MFSD1: variants seen among roughly 807,000 people sequenced by gnomAD.
MFSD1 encodes major facilitator superfamily domain containing 1, also known as lysosomal dipeptide transporter MFSD1.
A neutral mutation model predicts 67.1 loss-of-function variants in MFSD1; 59 were observed. The observed-to-expected ratio is 0.88, with a 90% CI of 0.71 to 1.09. MFSD1 has a LOEUF of 1.09. Among genes scored for constraint, MFSD1 ranks in the 50% least tolerant of loss-of-function variants. The pLI is 0.00. For missense variants in MFSD1, 552 were observed against 566.1 expected, an observed-to-expected ratio of 0.97 and a Z score of 0.25; for synonymous variants, 213 against 200.3, an observed-to-expected ratio of 1.06 and a Z score of -0.54.
intron 8 of MFSD1, 39 bp from the exon 9 acceptor site, chr3:158,820,176 C>A: frequency 2.5e-6 from 3 of 1,185,692 alleles, no homozygotes; most frequent in Non-Finnish European, 3.8e-6. Flanking sequence ...CTTAGGTATG[C>A]AAAATTATGC....
At chr3:158,812,500 CT>C (rs1730079886) in intron 6 of MFSD1, among the ~76,000 whole-genome samples, 1 of 152,278 alleles carries the variant, frequency 6.6e-6, no homozygotes, top group African/African-American at 2.4e-5. Flanking sequence ...TAAGAAGCCC[CT>C]GAGATTCCCT....
In MFSD1 at chr3:158,807,300, T is replaced by G. The variant is rs536336497; in HGVS notation, c.373-96T>G. The G allele has an allele frequency of 2.9e-6, 3 of 1,052,360 alleles. No homozygotes were observed. In the African/African-American group the frequency reaches 4.8e-5, roughly 17 times the overall value. The allele number at this position is 1,052,360 out of a possible 1,614,324, so 65.2% of individuals were successfully genotyped here. A position where few individuals can be genotyped will look rare whatever the true frequency, so the allele number is the denominator to read the frequency against. On this transcript the variant is annotated intron_variant, in intron 4 of 15. Transcript: ENST00000415822. ...ATTTATTAAGGAGAAATATTAAAACTATTGTAGAAGTTGAGATTTATCATG... is the reference window on the plus strand; with the variant it reads ...ATTTATTAAGGAGAAATATTAAAACGATTGTAGAAGTTGAGATTTATCATG...
chr3:158,820,331 G>A lies in MFSD1; in HGVS notation c.863+5G>A. ...CCCTTTTATTGGACTTGGGAAGTGA[G>A]TATTCTCTATGTTTCCATTATTTCT... On this transcript the variant is annotated splice_donor_5th_base_variant and intron_variant, in intron 9 of 15. Coordinates refer to ENST00000415822, the MANE Select transcript of MFSD1 (RefSeq NM_022736.4). 6.4e-7 allele frequency: 1 copy of A among 1,551,182 alleles called. No homozygotes were observed. The highest frequency in any genetic ancestry group is 1.4e-5 in the African/African-American group (1 of 73,880).
Position 158,802,224 on chromosome 3 carries a change from G to A in MFSD1, c.72G>A (p.Pro24=), listed in dbSNP as rs1729486238. The part of the protein sequence containing the change: ...GGPDEADRGA[P]AAPGALPALC... ...CTGACGAGGCCGACAGAGGTGCCCC[G>A]GCCGCCCCTGGAGCCCTGCCGGCCC... Residue 24 remains proline (P), a synonymous_variant, in exon 1 of 16, where the codon CCG becomes CCA. Coordinates refer to ENST00000415822, the MANE Select transcript of MFSD1 (RefSeq NM_022736.4). The A allele has an allele frequency of 3.7e-6, 6 of 1,610,636 alleles. No individual in the cohort carries two copies. The highest frequency in any genetic ancestry group is 5.1e-6 in the Non-Finnish European group (6 of 1,178,964).
At position 158,829,664 on chromosome 3, in the gene MFSD1, C is replaced by T. The variant is rs1234792046; in HGVS notation, c.*682C>T. The stretch of plus-strand genomic sequence containing the variant: ...AGTCTAATAAGTAAAAAGTGTCCTT[C>T]AAATTATGATAATTGCCTATGTACA... On this transcript the variant is annotated 3_prime_UTR_variant, in exon 16 of 16. Coordinates refer to ENST00000415822, the MANE Select transcript of MFSD1 (RefSeq NM_022736.4). 6.6e-6 allele frequency: 1 copy of T among 152,232 alleles called. No individual in the cohort carries two copies. The highest frequency in any genetic ancestry group is 6.5e-5 in the Admixed American group (1 of 15,286). The allele number at this position is 152,232 out of a possible 1,614,324, so 9.4% of individuals were successfully genotyped here.
At position 158,826,067 on chromosome 3, in the gene MFSD1, G is replaced by C. The variant is rs768715359; in HGVS notation, c.1336+5G>C. On this transcript the variant is annotated splice_donor_5th_base_variant and intron_variant, in intron 14 of 15. Coordinates refer to ENST00000415822, the MANE Select transcript of MFSD1 (RefSeq NM_022736.4). ...ATTTGGTGAATCGTGCCCAGGGTAA[G>C]TAGAAGATCTGATATTTGCTTCTTA... 6.2e-7 allele frequency: 1 copy of C among 1,612,966 alleles called. No individual in the cohort carries two copies. Among genetic ancestry groups the C allele is most frequent in the Non-Finnish European group, 8.5e-7 (1 of 1,179,098 alleles).
At chr3:158,817,086 A>G (rs943167132) in intron 7 of MFSD1, among the ~76,000 whole-genome samples, 28 of 152,290 alleles carry the variant, frequency 1.8e-4, no homozygotes, top group African/African-American at 6.7e-4. Context: ...AGGTAGCATG[A>G]TGGGACGTGT....
rs1730666001 is a variant in MFSD1, at chr3:158,821,520, A to G, written c.864-77A>G. 11 of 953,530 alleles carry G rather than the reference A, an allele frequency of 1.2e-5. No homozygotes were observed. In the Admixed American group the frequency reaches 2.3e-4, roughly 20 times the overall value. 59.1% of individuals were successfully genotyped at this position (953,530 alleles called of 1,614,324 possible). On this transcript the variant is annotated intron_variant, in intron 9 of 15. Coordinates refer to ENST00000415822, the MANE Select transcript of MFSD1 (RefSeq NM_022736.4). ...GAAAGAAGCTGATTAAACTTGAGTT[A>G]TTTTTATTCAACTTTATTTTTTGAA...
chr3:158,809,266 T>C lies in MFSD1; in HGVS notation c.528T>C (p.Leu176=), dbSNP rs1168513176. 1 of 1,608,578 alleles carries C rather than the reference T, an allele frequency of 6.2e-7. No individual in the cohort carries two copies. The highest frequency in any genetic ancestry group is 1.7e-5 in the Admixed American group (1 of 59,008). The change falls in exon 6 of 16, where the codon CTT becomes CTC. Residue 176 remains leucine, a synonymous_variant. Coordinates refer to ENST00000415822, the MANE Select transcript of MFSD1 (RefSeq NM_022736.4). ...KGKELNLVFG[L]QLSMARIGST... ...AAGAATTAAACCTGGTGTTTGGACTTCAACTTAGCATGGCTAGAATTGTAA... is the reference window on the plus strand; with the variant it reads ...AAGAATTAAACCTGGTGTTTGGACTCCAACTTAGCATGGCTAGAATTGTAA...
chr3:158,824,462 G>T, intron 13 of MFSD1: 6 of 404,294 alleles, frequency 1.5e-5, no homozygotes, highest in East Asian at 4.4e-5. Context: ...ACTATTTACA[G>T]TTTAAAAAAA....
Position 158,802,132 on chromosome 3 carries a change from T to G in MFSD1, c.-21T>G, listed in dbSNP as rs780036090. On this transcript the variant is annotated 5_prime_UTR_variant, in exon 1 of 16. Transcript: ENST00000415822. ...GTTTGGAGTTGTCACCACTTTCCCCTCTCCGTCTCCTGCGGGCGCAATGGA... is the reference window on the plus strand; with the variant it reads ...GTTTGGAGTTGTCACCACTTTCCCCGCTCCGTCTCCTGCGGGCGCAATGGA... 1.4e-5 allele frequency: 23 copies of G among 1,611,190 alleles called. No homozygotes were observed. Among genetic ancestry groups the G allele is most frequent in the Non-Finnish European group, 2.0e-5 (23 of 1,179,386 alleles).
chr3:158,804,418 G>T (rs375179540), intron 2 of MFSD1, 47 bp downstream of exon 2: 2 of 1,505,414 alleles, frequency 1.3e-6, no homozygotes, highest in African/African-American at 2.8e-5. Context: ...TTTAGAGCAA[G>T]TGTAGCGGTG....
At chr3:158,818,407 C>T (rs913246853) in intron 7 of MFSD1, among the ~76,000 whole-genome samples, 2 of 152,034 alleles carry the variant, frequency 1.3e-5, no homozygotes, top group African/African-American at 4.8e-5. Flanking sequence ...TAATCCCTTA[C>T]TGTTAACCAT....
chr3:158,818,175 G>C (rs1383406582), intron 7 of MFSD1, among the ~76,000 whole-genome samples: 1 of 152,172 alleles, frequency 6.6e-6, no homozygotes, highest in East Asian at 1.9e-4. Flanking sequence ...TAGGGTGAAA[G>C]TTCTGTGCCC....
intron 11 of MFSD1, 131 bp from the exon 12 acceptor site, chr3:158,823,297 G>T: frequency 3.0e-6 from 2 of 676,930 alleles, no homozygotes; most frequent in Non-Finnish European, 5.4e-6. Flanking sequence ...ACGAATTTTA[G>T]CCTAATAACA....
At chr3:158,827,435 T>TC in intron 15 of MFSD1, 98 bp downstream of exon 15, 1 of 682,510 alleles carries the variant, frequency 1.5e-6, no homozygotes. Context: ...TTTTTTTTTT[T>TC]TTGATTCCCA....
intron 6 of MFSD1, among the ~76,000 whole-genome samples, chr3:158,810,796 A>G (rs1328711335): frequency 6.6e-6 from 1 of 152,256 alleles, no homozygotes; most frequent in Admixed American, 6.5e-5. Flanking sequence ...TCACTTTGAT[A>G]GGAAACAGCT....
chr3:158,819,739 G>A lies in MFSD1; in HGVS notation c.743G>A (p.Gly248Glu). 2 of 1,592,088 alleles carry A rather than the reference G, an allele frequency of 1.3e-6. No homozygotes were observed. ...RAERILHKEQ[G>E]KTGEVIKLTD... is the part of the protein sequence containing the mutation. ...GAGAGAATCCTTCATAAAGAACAAG[G>A]AAAAACAGGTAAGTCTAAATGAAAG... The change falls in exon 8 of 16, where the codon GGA (glycine) becomes GAA (glutamate). Residue 248 changes from glycine to glutamate, a missense_variant. Gly to Glu is a moderately conservative substitution (Grantham distance 98, BLOSUM62 -2). Coordinates refer to ENST00000415822, the MANE Select transcript of MFSD1 (RefSeq NM_022736.4).
chr3:158,821,952 T>A, intron 10 of MFSD1, 32 bp from the exon 11 acceptor site: 1 of 1,593,788 alleles, frequency 6.3e-7, no homozygotes, highest in Non-Finnish European at 8.6e-7. Context: ...TGTGTTGCAT[T>A]TCATGAAATG....
Sources: allele counts gnomAD v4.1 joint callset (sites outside exome capture counted in the v4.1 genomes callset), GRCh38; gene constraint gnomAD v4.1.1; transcripts MANE v1.5; gene names NCBI Gene and HGNC (gene_info 2026-07-23, HGNC 2026-07-21).